Variants in SPOCK1 observed in about 807,000 individuals in gnomAD.
SPOCK1 encodes SPARC (osteonectin), cwcv and kazal like domains proteoglycan 1, also known as testican-1.
Under a neutral mutation model 55.3 loss-of-function variants are expected in SPOCK1, and 23 were observed. The ratio of observed to expected loss-of-function variants is 0.42; its 90% CI spans 0.30 to 0.59. The LOEUF is 0.59. Ranked by LOEUF, SPOCK1 falls within the 20% of genes least tolerant of loss-of-function variation. SPOCK1 has a pLI of 0.22. For missense variants in SPOCK1, 499 were observed against 552.5 expected (o/e 0.90, Z 0.97); for synonymous variants, 226 against 221.0 (o/e 1.02, Z -0.20).
chr5:137,481,470 G>A (rs1108547), intron 2 of SPOCK1, among the ~76,000 whole-genome samples: 48,502 of 152,032 alleles, frequency 0.32, 8,558 homozygotes, highest in South Asian at 0.47. Flanking sequence ...ATGATTATCT[G>A]CTTCCCTTGT....
At chr5:137,074,941 G>T (rs1752723269) in intron 5 of SPOCK1, among the ~76,000 whole-genome samples, 2 of 152,064 alleles carry the variant, frequency 1.3e-5, no homozygotes, top group African/African-American at 4.8e-5. Flanking sequence ...CTGACCTCGT[G>T]ATCAGCCCAC....
intron 6 of SPOCK1, among the ~76,000 whole-genome samples, chr5:137,006,548 G>T (rs571566172): frequency 2.6e-5 from 4 of 152,250 alleles, no homozygotes; most frequent in Admixed American, 1.3e-4. Flanking sequence ...CATTGATTTT[G>T]TATCCTGAGA....
rs781523289 is a variant in SPOCK1 at position 136,985,182 on chromosome 5, T to C, written c.949A>G (p.Met317Val). The change falls in exon 9 of 11, where the codon ATG becomes GTG. Residue 317 changes from methionine (M) to valine (V), a missense_variant. Met to Val is a conservative substitution (Grantham distance 21). Transcript: ENST00000394945. ...TTACTCAGCTTCTGAATTCTGTTCA[T>C]TTCATTCTGGCAAGGGAGACCTAAA... Reference protein sequence around the residue: ...KPGGLPCQNEMNRIQKLSKGK... With the variant: ...KPGGLPCQNEVNRIQKLSKGK... 55 of 1,614,056 alleles carry C rather than the reference T, an allele frequency of 3.4e-5. No individual in the cohort carries two copies. The highest frequency in any genetic ancestry group is 4.6e-5 in the Non-Finnish European group (54 of 1,179,984).
At chr5:137,324,783 C>T (rs1466811987) in intron 2 of SPOCK1, among the ~76,000 whole-genome samples, 1 of 148,702 alleles carries the variant, frequency 6.7e-6, no homozygotes, top group Non-Finnish European at 1.5e-5. Context: ...TTTTTTTAAC[C>T]ACAATTAGGA....
chr5:137,435,801 A>T (rs1206801922), intron 2 of SPOCK1, among the ~76,000 whole-genome samples: 1 of 148,992 alleles, frequency 6.7e-6, no homozygotes, highest in Non-Finnish European at 1.5e-5. Flanking sequence ...TTTTTCTTAG[A>T]TTTTTTTTTT....
chr5:137,357,419 T>C (rs1750840843), intron 2 of SPOCK1, among the ~76,000 whole-genome samples: 1 of 152,058 alleles, frequency 6.6e-6, no homozygotes. Flanking sequence ...AGGCACAGGG[T>C]GAGGCATTGG....
chr5:137,029,902 C>A (rs1166169874), intron 6 of SPOCK1, among the ~76,000 whole-genome samples: 1 of 152,158 alleles, frequency 6.6e-6, no homozygotes, highest in African/African-American at 2.4e-5. Flanking sequence ...TGGATTTGAT[C>A]ATCTGTTTGT....
intron 2 of SPOCK1, among the ~76,000 whole-genome samples, chr5:137,276,598 C>G (rs750149762): frequency 6.6e-6 from 1 of 152,236 alleles, no homozygotes; most frequent in Non-Finnish European, 1.5e-5. Context: ...AATCCAACCT[C>G]GGCTGGTTTT....
chr5:137,363,700 G>A (rs1750998579), intron 2 of SPOCK1, among the ~76,000 whole-genome samples: 1 of 152,228 alleles, frequency 6.6e-6, no homozygotes, highest in Non-Finnish European at 1.5e-5. Context: ...CAGATACCAG[G>A]TGCAAAATAA....
rs1271791354 is a variant in SPOCK1 at position 137,084,637 on chromosome 5, G to A, written c.475-16808C>T. Among the ~76,000 whole-genome samples, 5 of 152,080 alleles carry A rather than the reference G, an allele frequency of 3.3e-5. No homozygotes were observed. In the East Asian group the frequency reaches 9.7e-4, roughly 30 times the overall value. On this transcript the variant is annotated intron_variant, in intron 5 of 10. Coordinates refer to ENST00000394945, the MANE Select transcript of SPOCK1 (RefSeq NM_004598.4). ...GTCCTAAGGCACATTAGTGAAAAAG[G>A]AATGCTCTGTTAAAGATTTCATAGA...
intron 2 of SPOCK1, among the ~76,000 whole-genome samples, chr5:137,449,329 T>C (rs964420009): frequency 3.9e-5 from 6 of 152,170 alleles, no homozygotes; most frequent in African/African-American, 1.2e-4. Flanking sequence ...CTCAAAAACA[T>C]CCTCTGCTCT....
At chr5:137,480,303 T>A (rs1308694497) in intron 2 of SPOCK1, among the ~76,000 whole-genome samples, 1 of 140,118 alleles carries the variant, frequency 7.1e-6, no homozygotes, top group African/African-American at 2.6e-5. Context: ...TTGCTCTCCT[T>A]CACACACACA....
chr5:137,310,508 C>T (rs1757770959), intron 2 of SPOCK1, among the ~76,000 whole-genome samples: 1 of 152,146 alleles, frequency 6.6e-6, no homozygotes, highest in Admixed American at 6.5e-5. Context: ...GATCAACATG[C>T]CAGAATCATT....
intron 2 of SPOCK1, among the ~76,000 whole-genome samples, chr5:137,311,598 A>G (rs1391763795): frequency 1.3e-5 from 2 of 152,240 alleles, no homozygotes; most frequent in Non-Finnish European, 2.9e-5. Context: ...CTTTTCCTTC[A>G]GTCTAATCTT....
chr5:137,191,442 C>T (rs1329495989), intron 3 of SPOCK1, among the ~76,000 whole-genome samples: 2 of 152,186 alleles, frequency 1.3e-5, no homozygotes, highest in African/African-American at 4.8e-5. Context: ...GACTCTAAGA[C>T]ACAAACCGTA....
chr5:137,476,784 G>A (rs767912517), intron 2 of SPOCK1, among the ~76,000 whole-genome samples: 1 of 152,244 alleles, frequency 6.6e-6, no homozygotes, highest in South Asian at 2.1e-4. Context: ...AATCAGCCAG[G>A]CATGGAGGCA....
At chr5:137,110,886 C>T (rs1230003838) in intron 5 of SPOCK1, among the ~76,000 whole-genome samples, 3 of 152,122 alleles carry the variant, frequency 2.0e-5, no homozygotes, top group Non-Finnish European at 2.9e-5. Context: ...CAATGATATG[C>T]TATTGAATCC....
intron 2 of SPOCK1, among the ~76,000 whole-genome samples, chr5:137,273,549 A>G (rs2127120752): frequency 6.6e-6 from 1 of 152,372 alleles, no homozygotes; most frequent in Non-Finnish European, 1.5e-5. Flanking sequence ...CATTCCTTTG[A>G]AAAGGTCCCA....
At chr5:137,495,476 G>A (rs556375984) in intron 2 of SPOCK1, among the ~76,000 whole-genome samples, 1 of 152,336 alleles carries the variant, frequency 6.6e-6, no homozygotes, top group East Asian at 1.9e-4. Flanking sequence ...GTCCAACAAA[G>A]AGACAAGTCA....
Sources: allele counts gnomAD v4.1 joint callset (sites outside exome capture counted in the v4.1 genomes callset), GRCh38; gene constraint gnomAD v4.1.1; transcripts MANE v1.5; gene names NCBI Gene and HGNC (gene_info 2026-07-23, HGNC 2026-07-21).